RBFOX3: variants seen among roughly 807,000 people sequenced by gnomAD.
RBFOX3 encodes RNA binding fox-1 homolog 3, also known as RNA binding protein fox-1 homolog 3.
In RBFOX3, 17 loss-of-function variants were observed where a neutral mutation model predicts 48.7. That is an observed-to-expected ratio of 0.35 (90% CI 0.24 to 0.52). RBFOX3 has a LOEUF of 0.52. Ranked by LOEUF, RBFOX3 falls within the 20% of genes least tolerant of loss-of-function variation. The probability of loss-of-function intolerance (pLI) is 0.94; values close to 1 mark genes in which losing one functional copy is unlikely to be tolerated. For synonymous variants in RBFOX3, 212 were observed against 209.5 expected (o/e 1.01, Z -0.10); for missense variants, 382 against 497.5 (o/e 0.77, Z 2.21).
intron 4 of RBFOX3, among the ~76,000 whole-genome samples, chr17:79,141,730 A>C (rs1253803166): frequency 1.3e-5 from 2 of 152,176 alleles, no homozygotes; most frequent in Non-Finnish European, 2.9e-5. Flanking sequence ...TAAAGCAGGC[A>C]TAAGACAGCC....
At chr17:79,439,959 C>T (rs917667653) in intron 2 of RBFOX3, among the ~76,000 whole-genome samples, 8 of 152,312 alleles carry the variant, frequency 5.3e-5, no homozygotes, top group Admixed American at 2.0e-4. Flanking sequence ...GGAGAGGCGT[C>T]AGAGAAGGAG....
At chr17:79,431,556 C>T (rs1265438353) in intron 2 of RBFOX3, among the ~76,000 whole-genome samples, 1 of 147,048 alleles carries the variant, frequency 6.8e-6, no homozygotes, top group Non-Finnish European at 1.5e-5. Context: ...ACCATCTCGG[C>T]TCACTGCAAC....
At chr17:79,371,130 C>T (rs1245682050) in intron 2 of RBFOX3, among the ~76,000 whole-genome samples, 3 of 152,226 alleles carry the variant, frequency 2.0e-5, no homozygotes, top group Non-Finnish European at 2.9e-5. Context: ...CTGCTCTGCA[C>T]TGGGGCCTGG....
At chr17:79,374,964 T>TCCTGCCCCAGCCCA (rs1302834841) in intron 2 of RBFOX3, among the ~76,000 whole-genome samples, 73 of 152,116 alleles carry the variant, frequency 4.8e-4, no homozygotes, top group Middle Eastern at 3.4e-3. Context: ...CCTCTCTCCC[T>TCCTGCCCCAGCCCA]CCTGCCCCAG....
intron 2 of RBFOX3, among the ~76,000 whole-genome samples, chr17:79,440,034 G>A (rs112884330): frequency 0.26 from 20,859 of 79,580 alleles, 1,742 homozygotes; most frequent in Non-Finnish European, 0.34. Flanking sequence ...GAGGCTGCCC[G>A]AGCCTCACAC....
At chr17:79,393,860 G>A (rs186621788) in intron 2 of RBFOX3, among the ~76,000 whole-genome samples, 12 of 151,282 alleles carry the variant, frequency 7.9e-5, no homozygotes, top group African/African-American at 2.2e-4. Flanking sequence ...CATCTGAGCC[G>A]GTCATCACGC....
intron 1 of RBFOX3, among the ~76,000 whole-genome samples, chr17:79,509,650 A>G (rs1007498919): frequency 1.5e-4 from 22 of 150,920 alleles, no homozygotes; most frequent in Non-Finnish European, 3.3e-4. Flanking sequence ...TGGGAGAGCT[A>G]TGAGGCCTCA....
chr17:79,271,908 G>A (rs529982390), intron 3 of RBFOX3, among the ~76,000 whole-genome samples: 6 of 152,206 alleles, frequency 3.9e-5, no homozygotes, highest in East Asian at 3.9e-4. Context: ...GCCAGTGACC[G>A]CAAGAACAGA....
At chr17:79,184,021 G>A (rs1203359303) in intron 4 of RBFOX3, among the ~76,000 whole-genome samples, 3 of 152,226 alleles carry the variant, frequency 2.0e-5, no homozygotes, top group East Asian at 1.9e-4. Flanking sequence ...CCGGCTCTGC[G>A]GCCGACCGAC....
At chr17:79,442,857 C>G (rs1325676153) in intron 2 of RBFOX3, among the ~76,000 whole-genome samples, 6 of 152,290 alleles carry the variant, frequency 3.9e-5, no homozygotes, top group East Asian at 1.9e-4. Context: ...CTTCTCTCAG[C>G]TCCCGGGTAG....
At chr17:79,308,157 G>A (rs1044007587) in intron 2 of RBFOX3, among the ~76,000 whole-genome samples, 4 of 152,184 alleles carry the variant, frequency 2.6e-5, no homozygotes, top group African/African-American at 7.2e-5. Flanking sequence ...TTGGACTGAC[G>A]GGGGAATGGC....
intron 3 of RBFOX3, among the ~76,000 whole-genome samples, chr17:79,290,402 G>T (rs556600958): frequency 6.6e-6 from 1 of 152,244 alleles, no homozygotes; most frequent in Non-Finnish European, 1.5e-5. Flanking sequence ...TCCCCATCTG[G>T]AAAGTAGAGA....
intron 1 of RBFOX3, among the ~76,000 whole-genome samples, chr17:79,568,619 G>A (rs1010179311): frequency 6.6e-6 from 1 of 152,048 alleles, no homozygotes. Context: ...CCAGTGCTGG[G>A]GGCCACCCAC....
intron 3 of RBFOX3, among the ~76,000 whole-genome samples, chr17:79,274,439 C>T (rs994916631): frequency 6.6e-6 from 1 of 152,208 alleles, no homozygotes; most frequent in South Asian, 2.1e-4. Context: ...ACCAAGGTGT[C>T]GCAGCTCTTC....
chr17:79,098,611 C>T (rs2075849498), intron 9 of RBFOX3: 1 of 152,274 alleles, frequency 6.6e-6, no homozygotes. Context: ...CTTCCTCTCC[C>T]CGGGGGAACC....
intron 2 of RBFOX3, among the ~76,000 whole-genome samples, chr17:79,438,091 C>G (rs963065776): frequency 1.2e-5 from 1 of 86,452 alleles, no homozygotes; most frequent in African/African-American, 4.3e-5. Flanking sequence ...TGCACACACA[C>G]AGGTGCACAG....
intron 2 of RBFOX3, among the ~76,000 whole-genome samples, chr17:79,381,399 T>C (rs2059902648): frequency 6.6e-6 from 1 of 151,440 alleles, no homozygotes; most frequent in Non-Finnish European, 1.5e-5. Flanking sequence ...TGTTTTTCTT[T>C]GTACGGAGTC....
Position 79,473,542 on chromosome 17 carries a change from A to G in RBFOX3, c.-175+8912T>C, listed in dbSNP as rs1361202471. Reference sequence around the variant, plus strand: ...TCCAGGCACACAGATGCCTCCCACAAGAAGTTGTGTTACGAGTGTATTATT... The same window carrying G: ...TCCAGGCACACAGATGCCTCCCACAGGAAGTTGTGTTACGAGTGTATTATT... On this transcript the variant is annotated intron_variant, in intron 2 of 14. Coordinates refer to ENST00000693108, the MANE Select transcript of RBFOX3 (RefSeq NM_001350451.2). The surrounding 1 kb of genome is among the most constrained non-coding windows in gnomAD (Gnocchi z 4.2). Among the ~76,000 whole-genome samples the G allele has an allele frequency of 6.6e-6, 1 of 152,214 alleles. No homozygotes were observed. Among genetic ancestry groups the G allele is most frequent in the African/African-American group, 2.4e-5 (1 of 41,462 alleles).
the RBFOX3 span, among the ~76,000 whole-genome samples, chr17:79,665,441 C>G: frequency 6.6e-6 from 1 of 152,022 alleles, no homozygotes; most frequent in African/African-American, 2.4e-5. Context: ...AGAGGAGGGG[C>G]CTGGAAACCG....
Sources: allele counts gnomAD v4.1 joint callset (sites outside exome capture counted in the v4.1 genomes callset), GRCh38; gene constraint gnomAD v4.1.1; non-coding constraint Gnocchi (gnomAD v3.1); transcripts MANE v1.5; gene names NCBI Gene and HGNC (gene_info 2026-07-23, HGNC 2026-07-21).